ZBBX: variants seen among roughly 807,000 people sequenced by gnomAD.
ZBBX encodes the protein zinc finger B-box domain containing.
Under a neutral mutation model 108.5 loss-of-function variants are expected in ZBBX, and 101 were observed. The observed-to-expected ratio is 0.93, with a 90% CI of 0.79 to 1.10. ZBBX has a LOEUF of 1.10. ZBBX is among the 50% of genes least tolerant of loss of function. The pLI, the probability that ZBBX is intolerant of heterozygous loss-of-function variation, is 0.00. For synonymous variants in ZBBX, 356 were observed against 323.4 expected (o/e 1.10, Z -1.08); for missense variants, 1,009 against 941.4 (o/e 1.07, Z -0.94).
At chr3:167,298,979 G>A (rs1375902293) in intron 17 of ZBBX, among the ~76,000 whole-genome samples, 8 of 151,998 alleles carry the variant, frequency 5.3e-5, no homozygotes, top group African/African-American at 1.4e-4. Context: ...AATTTATGAC[G>A]TTTATATAGC....
At chr3:167,338,138 T>C (rs1739891341) in intron 9 of ZBBX, among the ~76,000 whole-genome samples, 3 of 152,200 alleles carry the variant, frequency 2.0e-5, no homozygotes, top group African/African-American at 4.8e-5. Context: ...TGTGATTTAC[T>C]GCCAGCATTT....
At chr3:167,327,819 CAGG>C (rs1404434308) in intron 11 of ZBBX, 120 bp downstream of exon 11, 1 of 948,934 alleles carries the variant, frequency 1.1e-6, no homozygotes, top group East Asian at 2.7e-5. Context: ...AAGGCTGAGG[CAGG>C]AGAATTACTT....
In ZBBX at chr3:167,333,814, T is replaced by C; in HGVS notation, c.687+13A>G. The C allele has an allele frequency of 6.3e-7, 1 of 1,581,836 alleles. No individual in the cohort carries two copies. The highest frequency in any genetic ancestry group is 8.6e-7 in the Non-Finnish European group (1 of 1,168,024). On this transcript the variant is annotated intron_variant, in intron 10 of 21. Transcript: ENST00000675490. ...TATGTCAGAAAATGTCTACTATATT[T>C]TCCTCAGTTTACCTCAGAGCTGCTC...
At chr3:167,337,694 T>A (rs532528410) in intron 9 of ZBBX, among the ~76,000 whole-genome samples, 2 of 152,254 alleles carry the variant, frequency 1.3e-5, no homozygotes, top group Admixed American at 6.6e-5. Flanking sequence ...TATCGTATAA[T>A]CTTTGTCTTT....
chr3:167,346,716 A>G (rs1476875601), intron 9 of ZBBX, among the ~76,000 whole-genome samples: 1 of 151,922 alleles, frequency 6.6e-6, no homozygotes, highest in Non-Finnish European at 1.5e-5. Context: ...AACAAAAACC[A>G]CTACAAGATT....
the ZBBX span, among the ~76,000 whole-genome samples, chr3:167,195,894 T>C: frequency 2.0e-5 from 3 of 152,144 alleles, no homozygotes; most frequent in Non-Finnish European, 4.4e-5. Flanking sequence ...AGTTCAAGAG[T>C]TTTATCTTCT....
chr3:167,294,540 T>C (rs1731289339), intron 18 of ZBBX, among the ~76,000 whole-genome samples: 1 of 152,250 alleles, frequency 6.6e-6, no homozygotes, highest in Non-Finnish European at 1.5e-5. Flanking sequence ...TATACAAAAA[T>C]TAACTCAAGA....
At chr3:167,287,171 T>C (rs1365457459) in intron 19 of ZBBX, among the ~76,000 whole-genome samples, 1 of 152,162 alleles carries the variant, frequency 6.6e-6, no homozygotes, top group African/African-American at 2.4e-5. Context: ...ATATTATCAT[T>C]AATTACCTAT....
intron 20 of ZBBX, among the ~76,000 whole-genome samples, chr3:167,251,438 T>C (rs1267027366): frequency 6.6e-6 from 1 of 152,092 alleles, no homozygotes; most frequent in Non-Finnish European, 1.5e-5. Flanking sequence ...CTAGACACTC[T>C]CGTGGAGTTG....
the ZBBX span, among the ~76,000 whole-genome samples, chr3:167,202,702 A>G: frequency 6.6e-6 from 1 of 152,158 alleles, no homozygotes; most frequent in South Asian, 2.1e-4. Context: ...TATAATGGGC[A>G]TGCCGTCATA....
intron 12 of ZBBX, among the ~76,000 whole-genome samples, chr3:167,318,967 G>A (rs947555635): frequency 6.6e-6 from 1 of 151,966 alleles, no homozygotes; most frequent in African/African-American, 2.4e-5. Flanking sequence ...TGTTGGCAGG[G>A]ATTTGGAGCA....
At chr3:167,187,350 CA>C in the ZBBX span, among the ~76,000 whole-genome samples, 3 of 152,178 alleles carry the variant, frequency 2.0e-5, no homozygotes, top group African/African-American at 7.2e-5. Context: ...CTTCTCCCTT[CA>C]CCCTACCCCA....
At chr3:167,242,344 C>T (rs1364575462) in intron 21 of ZBBX, among the ~76,000 whole-genome samples, 161 bp downstream of exon 21, 1 of 151,908 alleles carries the variant, frequency 6.6e-6, no homozygotes, top group Non-Finnish European at 1.5e-5. Context: ...TACTAAATCT[C>T]GATAATAGAT....
At chr3:167,233,468 C>T in the ZBBX span, among the ~76,000 whole-genome samples, 1 of 151,778 alleles carries the variant, frequency 6.6e-6, no homozygotes, top group Admixed American at 6.6e-5. Context: ...CATAAGAAGC[C>T]AGCTAGTGGA....
chr3:167,202,784 G>A, the ZBBX span, among the ~76,000 whole-genome samples: 1 of 151,960 alleles, frequency 6.6e-6, no homozygotes, highest in African/African-American at 2.4e-5. Context: ...TACCACTCTT[G>A]GTAGAAATAA....
intron 5 of ZBBX, chr3:167,366,987 T>A: frequency 2.3e-6 from 1 of 437,256 alleles, no homozygotes; most frequent in South Asian, 1.6e-5. Context: ...GGGGTATGTA[T>A]ATAAGTTATG....
the ZBBX span, among the ~76,000 whole-genome samples, chr3:167,201,691 G>A: frequency 6.6e-6 from 1 of 151,936 alleles, no homozygotes; most frequent in African/African-American, 2.4e-5. Context: ...AAAATAACAG[G>A]GTGCGTCAAA....
chr3:167,330,757 TGAA>T (rs958592920), intron 10 of ZBBX, among the ~76,000 whole-genome samples: 4 of 135,870 alleles, frequency 2.9e-5, no homozygotes, highest in South Asian at 2.5e-4. Flanking sequence ...CTGTCTCACA[TGAA>T]GAAGAAGAAA....
chr3:167,181,858 A>C, the ZBBX span, among the ~76,000 whole-genome samples: 874 of 152,312 alleles, frequency 5.7e-3, 11 homozygotes, highest in Admixed American at 0.032. Flanking sequence ...AAGGGTCTAT[A>C]GACTCCTGTT....
Sources: allele counts gnomAD v4.1 joint callset (sites outside exome capture counted in the v4.1 genomes callset), GRCh38; gene constraint gnomAD v4.1.1; transcripts MANE v1.5; gene names NCBI Gene and HGNC (gene_info 2026-07-23, HGNC 2026-07-21).